Variants in TMEM154 observed in about 807,000 individuals in gnomAD.
TMEM154 encodes transmembrane protein 154.
Under a neutral mutation model 24.5 loss-of-function variants are expected in TMEM154, and 27 were observed. The ratio of observed to expected loss-of-function variants is 1.10; its 90% confidence interval spans 0.81 to 1.52. The LOEUF (loss-of-function observed/expected upper bound fraction) is 1.52. TMEM154 is among the 40% of genes most tolerant of loss of function. The probability of loss-of-function intolerance (pLI) is 0.00; values close to 1 mark genes in which losing one functional copy is unlikely to be tolerated. For missense variants in TMEM154, 228 were observed against 213.4 expected (o/e 1.07, Z -0.43); for synonymous variants, 67 against 76.8 (o/e 0.87, Z 0.67).
In TMEM154 at chr4:152,624,760, G is replaced by A. The variant is rs1751891157; in HGVS notation, c.*3786C>T. ...TCAGGCAATTGGTTGTCTGGGTTCT[G>A]CAATTTGAAATATTCCACTAGACAC... On this transcript the variant is annotated 3_prime_UTR_variant, in exon 7 of 7. Transcript: ENST00000304385. The A allele has an allele frequency of 6.6e-6, 1 of 152,184 alleles. No individual in the cohort carries two copies. The highest frequency in any genetic ancestry group is 1.5e-5 in the Non-Finnish European group (1 of 68,032). 9.4% of individuals were successfully genotyped at this position (152,184 alleles called of 1,614,324 possible). A position where few individuals can be genotyped will look rare whatever the true frequency, so the allele number is the denominator to read the frequency against.
At position 152,660,472 on chromosome 4, in the gene TMEM154, A is replaced by G. The variant is rs143244064; in HGVS notation, c.65-7545T>C. On this transcript the variant is annotated intron_variant, in intron 1 of 6. Transcript: ENST00000304385. Reference sequence around the variant, plus strand: ...TTTTTTGAGAATTTACTAAGAACCAATCTCTATGCTCTGCCTTGTACCCGG... The same window carrying G: ...TTTTTTGAGAATTTACTAAGAACCAGTCTCTATGCTCTGCCTTGTACCCGG... 9.0e-4 allele frequency among the ~76,000 whole-genome samples: 137 copies of G among 151,882 alleles called. 1 individual carries two copies. Among genetic ancestry groups the G allele is most frequent in the African/African-American group, 3.1e-3 (126 of 41,304 alleles).
rs943957465 is a variant in TMEM154, at chr4:152,640,927, C to T, written c.536+1G>A. ...TAATCTGTGGTAGAAATGAGAAGTA[C>T]CTTGGGTTGTGATTTGATTCCTTCT... On this transcript the variant is annotated splice_donor_variant, in intron 6 of 6. Coordinates refer to ENST00000304385, the MANE Select transcript of TMEM154 (RefSeq NM_152680.3). LOFTEE classifies it high-confidence loss of function. 6.9e-7 allele frequency: 1 copy of T among 1,451,314 alleles called. No individual in the cohort carries two copies. The highest frequency in any genetic ancestry group is 1.4e-5 in the African/African-American group (1 of 69,598). The allele number at this position is 1,451,314 out of a possible 1,614,324, so 89.9% of individuals were successfully genotyped here. A position where few individuals can be genotyped will look rare whatever the true frequency, so the allele number is the denominator to read the frequency against.
chr4:152,661,177 TC>T (rs1728592721), intron 1 of TMEM154, among the ~76,000 whole-genome samples: 1 of 152,006 alleles, frequency 6.6e-6, no homozygotes, highest in South Asian at 2.1e-4. Context: ...CTCTGCAATG[TC>T]CCCCTCCCAC....
In TMEM154 at chr4:152,679,804, A is replaced by G. The variant is rs1057193600; in HGVS notation, c.64+66T>C. The G allele has an allele frequency of 2.1e-5, 33 of 1,564,274 alleles. No homozygotes were observed. In the Middle Eastern group the frequency reaches 6.7e-4, roughly 32 times the overall value. On this transcript the variant is annotated intron_variant, in intron 1 of 6. Coordinates refer to ENST00000304385, the MANE Select transcript of TMEM154 (RefSeq NM_152680.3). The stretch of plus-strand genomic sequence containing the variant: ...GTCACCCTCCCCGGCAGAGTTCTGT[A>G]GCCTCGGGCACCCTACCAGCTTTTG...
At chr4:152,679,745 A>T (rs1175489869) in intron 1 of TMEM154, 125 bp downstream of exon 1, 4 of 1,397,386 alleles carry the variant, frequency 2.9e-6, no homozygotes, top group African/African-American at 1.4e-5. Flanking sequence ...AATTTTCTCC[A>T]CTTCTTTCAC....
At chr4:152,660,379 C>CCA (rs567415345) in intron 1 of TMEM154, among the ~76,000 whole-genome samples, 2 of 151,218 alleles carry the variant, frequency 1.3e-5, no homozygotes, top group African/African-American at 4.9e-5. Context: ...AGACCCCGCC[C>CCA]CCCCCTCACT....
intron 1 of TMEM154, chr4:152,669,072 G>C (rs918741656): frequency 6.6e-6 from 1 of 152,016 alleles, no homozygotes; most frequent in Non-Finnish European, 1.5e-5. Flanking sequence ...AACCTCTCTT[G>C]TGCATTTATT....
intron 1 of TMEM154, among the ~76,000 whole-genome samples, chr4:152,662,682 C>T (rs1728635749): frequency 2.0e-5 from 3 of 152,152 alleles, no homozygotes; most frequent in Non-Finnish European, 4.4e-5. Context: ...GACATGGGGC[C>T]CCCTAAAACC....
At chr4:152,667,506 G>A (rs1728744098) in intron 1 of TMEM154, among the ~76,000 whole-genome samples, 1 of 152,158 alleles carries the variant, frequency 6.6e-6, no homozygotes, top group Non-Finnish European at 1.5e-5. Context: ...TCTGGGAGCA[G>A]GACTCGAGAA....
intron 1 of TMEM154, among the ~76,000 whole-genome samples, chr4:152,662,322 A>C (rs1174760532): frequency 1.3e-5 from 2 of 152,194 alleles, no homozygotes; most frequent in African/African-American, 4.8e-5. Context: ...ACAGAAACTA[A>C]GGGAAGAACC....
chr4:152,679,854 A>G lies in TMEM154; in HGVS notation c.64+16T>C, dbSNP rs1344773521. Reference sequence around the variant, plus strand: ...GCGATCCTCCTTCCCAGGAGTAGGAAGTGGAGGCGGCTTACCCCGGCCGAC... The same window carrying G: ...GCGATCCTCCTTCCCAGGAGTAGGAGGTGGAGGCGGCTTACCCCGGCCGAC... On this transcript the variant is annotated intron_variant, in intron 1 of 6. Transcript: ENST00000304385. 3 of 1,603,366 alleles carry G rather than the reference A, an allele frequency of 1.9e-6. No individual in the cohort carries two copies. The highest frequency in any genetic ancestry group is 2.6e-6 in the Non-Finnish European group (3 of 1,175,958).
intron 6 of TMEM154, among the ~76,000 whole-genome samples, chr4:152,637,347 G>A (rs372896291): frequency 1.6e-3 from 246 of 152,200 alleles, no homozygotes; most frequent in African/African-American, 5.8e-3. Flanking sequence ...GGAGTTCAAG[G>A]CCAGCCTGAC....
chr4:152,672,017 G>A (rs1008597326), intron 1 of TMEM154, among the ~76,000 whole-genome samples: 1 of 150,196 alleles, frequency 6.7e-6, no homozygotes, highest in Non-Finnish European at 1.5e-5. Context: ...GACTTTGGGA[G>A]GTCTAAGTGG....
At chr4:152,665,701 A>C (rs1728705006) in intron 1 of TMEM154, among the ~76,000 whole-genome samples, 1 of 151,722 alleles carries the variant, frequency 6.6e-6, no homozygotes, top group Non-Finnish European at 1.5e-5. Flanking sequence ...TATTGGAAAC[A>C]CCTACAGCCC....
chr4:152,647,179 T>C (rs1728265254), intron 3 of TMEM154: 2 of 983,040 alleles, frequency 2.0e-6, no homozygotes, highest in African/African-American at 3.5e-5. Flanking sequence ...CAGACCAGGC[T>C]CTACCCAAGT....
At chr4:152,675,028 C>T (rs1253223513) in intron 1 of TMEM154, among the ~76,000 whole-genome samples, 5 of 151,700 alleles carry the variant, frequency 3.3e-5, no homozygotes, top group Admixed American at 6.6e-5. Flanking sequence ...TGGTGGCATG[C>T]GCCTATAATC....
chr4:152,673,908 G>A (rs939981302), intron 1 of TMEM154, among the ~76,000 whole-genome samples: 2 of 151,926 alleles, frequency 1.3e-5, no homozygotes, highest in Non-Finnish European at 2.9e-5. Context: ...TGAGCTAGGA[G>A]TCAATTCTTG....
At chr4:152,678,101 G>A (rs1158047514) in intron 1 of TMEM154, among the ~76,000 whole-genome samples, 7 of 152,162 alleles carry the variant, frequency 4.6e-5, no homozygotes, top group Admixed American at 1.3e-4. Context: ...GAAAAAGAAT[G>A]TATTCATTAT....
At chr4:152,647,406 T>C in intron 3 of TMEM154, 1 of 884,404 alleles carries the variant, frequency 1.1e-6, no homozygotes, top group Non-Finnish European at 1.4e-6. Context: ...TGAAAAGTTG[T>C]CCATCTGTTA....
Sources: allele counts gnomAD v4.1 joint callset (sites outside exome capture counted in the v4.1 genomes callset), GRCh38; gene constraint gnomAD v4.1.1; transcripts MANE v1.5; gene names NCBI Gene and HGNC (gene_info 2026-07-23, HGNC 2026-07-21).